CSMD3: variants seen among roughly 807,000 people sequenced by gnomAD.
CSMD3 encodes CUB and Sushi multiple domains 3, also known as CUB and sushi domain-containing protein 3.
CSMD3 carries 177 observed loss-of-function variants against 435.2 expected under a neutral mutation model. The observed-to-expected ratio is 0.41, with a 90% CI of 0.36 to 0.46. CSMD3 has a LOEUF of 0.46. Ranked by LOEUF, CSMD3 falls within the 20% of genes least tolerant of loss-of-function variation. CSMD3 has a pLI of 0.34. For missense variants in CSMD3, 4,265 were observed against 4,504.6 expected, an observed-to-expected ratio of 0.95 and a Z score of 1.52; for synonymous variants, 1,656 against 1,520.5, an observed-to-expected ratio of 1.09 and a Z score of -2.07.
At chr8:112,294,478 T>C (rs1267921409) in intron 54 of CSMD3, among the ~76,000 whole-genome samples, 1 of 152,138 alleles carries the variant, frequency 6.6e-6, no homozygotes, top group Non-Finnish European at 1.5e-5. Context: ...AAGAAAAATG[T>C]AGTTGACTTT....
rs1828508758 is a variant in CSMD3 at position 112,560,344 on chromosome 8, T to G, written c.4043-3390A>C. 2.0e-5 allele frequency among the ~76,000 whole-genome samples: 3 copies of G among 151,758 alleles called. No homozygotes were observed. The South Asian group carries it at 6.2e-4, about 31-fold the overall frequency. ...TTTCTTTTCCTTGTTTTTGTATAGCTGAAATTCTTTCCTTTTTTCCCCTCC... is the reference window on the plus strand; with the variant it reads ...TTTCTTTTCCTTGTTTTTGTATAGCGGAAATTCTTTCCTTTTTTCCCCTCC... On this transcript the variant is annotated intron_variant, in intron 24 of 70. Transcript: ENST00000297405.
At chr8:112,434,208 G>A (rs941177797) in intron 32 of CSMD3, among the ~76,000 whole-genome samples, 8 of 152,122 alleles carry the variant, frequency 5.3e-5, no homozygotes, top group Admixed American at 6.6e-5. Context: ...CTTTGGACAA[G>A]TTAATGAAAT....
At chr8:112,916,375 A>T (rs935824813) in intron 10 of CSMD3, among the ~76,000 whole-genome samples, 12 of 151,884 alleles carry the variant, frequency 7.9e-5, no homozygotes, top group South Asian at 2.1e-4. Flanking sequence ...TGTAAGTGAT[A>T]TCATTAAAAC....
At chr8:112,450,824 C>T (rs1028879984) in intron 32 of CSMD3, among the ~76,000 whole-genome samples, 11 of 152,114 alleles carry the variant, frequency 7.2e-5, no homozygotes, top group Non-Finnish European at 1.5e-5. Flanking sequence ...ATTGGCTAGA[C>T]CTCTCTGGAA....
intron 3 of CSMD3, among the ~76,000 whole-genome samples, chr8:113,175,355 T>C (rs959491423): frequency 2.6e-5 from 4 of 151,844 alleles, no homozygotes; most frequent in African/African-American, 7.2e-5. Context: ...GTTTTAAAAA[T>C]GTAGTTTTAG....
Position 112,296,145 on chromosome 8 carries a change from T to C in CSMD3, c.8441-139A>G, listed in dbSNP as rs1820244909. 1.9e-5 allele frequency: 13 copies of C among 684,556 alleles called. No individual in the cohort carries two copies. In the South Asian group the frequency reaches 2.2e-4, roughly 11 times the overall value. 42.4% of individuals were successfully genotyped at this position (684,556 alleles called of 1,614,324 possible). A position where few individuals can be genotyped will look rare whatever the true frequency, so the allele number is the denominator to read the frequency against. On this transcript the variant is annotated intron_variant, in intron 53 of 70. Coordinates refer to ENST00000297405, the MANE Select transcript of CSMD3 (RefSeq NM_198123.2). The stretch of plus-strand genomic sequence containing the variant: ...ATAATTCAATTATAACTATATGACA[T>C]AAAGGTAACTATGAAATATTTAGCA...
chr8:112,614,542 C>T (rs1686575640), intron 22 of CSMD3, among the ~76,000 whole-genome samples: 1 of 151,932 alleles, frequency 6.6e-6, no homozygotes, highest in African/African-American at 2.4e-5. Context: ...GGGCCGTTTC[C>T]CCAAAACACA....
chr8:112,804,265 T>A (rs1379919369), intron 12 of CSMD3, among the ~76,000 whole-genome samples: 1 of 151,982 alleles, frequency 6.6e-6, no homozygotes, highest in South Asian at 2.1e-4. Flanking sequence ...AAGGACAGAT[T>A]CAAATGTTAG....
intron 4 of CSMD3, among the ~76,000 whole-genome samples, chr8:113,157,113 G>C: frequency 6.6e-6 from 1 of 152,060 alleles, no homozygotes; most frequent in Non-Finnish European, 1.5e-5. Flanking sequence ...CTGTTGGTAG[G>C]AATATAAAAT....
chr8:112,482,774 T>G (rs138064755), intron 31 of CSMD3, among the ~76,000 whole-genome samples: 1 of 152,200 alleles, frequency 6.6e-6, no homozygotes, highest in African/African-American at 2.4e-5. Context: ...CTTTAATAAT[T>G]TGTTAACTTC....
chr8:112,603,475 A>C (rs1243311521), intron 22 of CSMD3, among the ~76,000 whole-genome samples: 1 of 152,196 alleles, frequency 6.6e-6, no homozygotes, highest in Admixed American at 6.5e-5. Context: ...ACTCTAGTAC[A>C]GTATGTACTG....
intron 6 of CSMD3, among the ~76,000 whole-genome samples, chr8:113,011,453 A>G (rs936484570): frequency 6.6e-6 from 1 of 151,786 alleles, no homozygotes; most frequent in Admixed American, 6.6e-5. Flanking sequence ...AAGTAAAACA[A>G]TATTTAGCCA....
chr8:113,147,238 A>G (rs2091697176), intron 4 of CSMD3, among the ~76,000 whole-genome samples: 1 of 151,674 alleles, frequency 6.6e-6, no homozygotes, highest in African/African-American at 2.4e-5. Context: ...ATTTTAGTTT[A>G]TAGCATTTTA....
At chr8:112,721,099 A>G (rs988515776) in intron 13 of CSMD3, among the ~76,000 whole-genome samples, 1 of 152,188 alleles carries the variant, frequency 6.6e-6, no homozygotes, top group Non-Finnish European at 1.5e-5. Flanking sequence ...AGAGTTGCTC[A>G]GATCAATAGC....
chr8:113,362,641 C>T (rs571759065), intron 1 of CSMD3, among the ~76,000 whole-genome samples: 1 of 152,248 alleles, frequency 6.6e-6, no homozygotes, highest in East Asian at 1.9e-4. Context: ...ACCCTGTTCC[C>T]TTTTCTCAGT....
intron 10 of CSMD3, among the ~76,000 whole-genome samples, chr8:112,914,139 T>C (rs561045521): frequency 6.6e-6 from 1 of 152,074 alleles, no homozygotes; most frequent in South Asian, 2.1e-4. Flanking sequence ...GACCAAGTGG[T>C]ATTTTCATGT....
At chr8:113,195,301 T>C (rs2092638674) in intron 3 of CSMD3, among the ~76,000 whole-genome samples, 1 of 150,172 alleles carries the variant, frequency 6.7e-6, no homozygotes, top group East Asian at 2.0e-4. Flanking sequence ...GATGTTGAAG[T>C]CTCTGGAACA....
intron 38 of CSMD3, among the ~76,000 whole-genome samples, chr8:112,366,629 C>A (rs1827803138): frequency 6.6e-6 from 1 of 152,154 alleles, no homozygotes; most frequent in Non-Finnish European, 1.5e-5. Flanking sequence ...ACCTCCTGAC[C>A]TCAGGTGATT....
At chr8:113,423,547 G>A (rs989396039) in intron 1 of CSMD3, among the ~76,000 whole-genome samples, 1 of 151,906 alleles carries the variant, frequency 6.6e-6, no homozygotes, top group Non-Finnish European at 1.5e-5. Flanking sequence ...ATTGTTTATG[G>A]TTGTTTCTTT....
Sources: gnomAD v4.1 joint callset for allele counts (sites outside exome capture counted in the v4.1 genomes callset) on GRCh38, gnomAD v4.1.1 for gene constraint, MANE v1.5 for transcripts, NCBI Gene and HGNC (gene_info 2026-07-23, HGNC 2026-07-21) for gene names.